ATF2: variants seen among roughly 807,000 people sequenced by gnomAD.
The protein encoded by ATF2 is activating transcription factor 2.
ATF2 carries 24 observed loss-of-function variants against 60.6 expected under a neutral mutation model. The observed-to-expected ratio is 0.40, with a 90% CI of 0.29 to 0.56. The LOEUF is 0.56. Among genes scored for constraint, ATF2 ranks in the 20% least tolerant of loss-of-function variants. The probability of loss-of-function intolerance (pLI) is 0.54; values close to 1 mark genes in which losing one functional copy is unlikely to be tolerated. For synonymous variants in ATF2, 206 were observed against 215.4 expected (o/e 0.96, Z 0.38); for missense variants, 433 against 607.7 (o/e 0.71, Z 3.02).
At chr2:175,142,499 C>T (rs1698614265) in intron 2 of ATF2, among the ~76,000 whole-genome samples, 1 of 152,128 alleles carries the variant, frequency 6.6e-6, no homozygotes, top group African/African-American at 2.4e-5. Context: ...GTTCCACATA[C>T]AAACATGTAT....
rs1699404255 is a variant in ATF2 at position 175,152,890 on chromosome 2, T to C, written c.-142-1732A>G. On this transcript the variant is annotated intron_variant, in intron 1 of 13. Transcript: ENST00000264110. ...CTGTGGGATAATGTAAAGGACCACA[T>C]CTTCTTGATAGAGATAAATTTCTGC... Among the ~76,000 whole-genome samples, 3 of 152,338 alleles carry C rather than the reference T, an allele frequency of 2.0e-5. No homozygotes were observed. The South Asian group carries it at 6.2e-4, about 32-fold the overall frequency.
At chr2:175,163,120 C>T (rs1023394882) in intron 1 of ATF2, among the ~76,000 whole-genome samples, 5 of 150,618 alleles carry the variant, frequency 3.3e-5, no homozygotes, top group East Asian at 1.9e-4. Flanking sequence ...GGCAACAGAG[C>T]GAGACTCTGT....
At chr2:175,143,200 T>G (rs1385962480) in intron 2 of ATF2, among the ~76,000 whole-genome samples, 1 of 152,160 alleles carries the variant, frequency 6.6e-6, no homozygotes, top group African/African-American at 2.4e-5. Context: ...TAACTACTGT[T>G]AACATTTCAG....
chr2:175,082,160 G>C (rs916295968), intron 12 of ATF2, among the ~76,000 whole-genome samples: 2 of 152,152 alleles, frequency 1.3e-5, no homozygotes, highest in Non-Finnish European at 2.9e-5. Context: ...CTAAAGGCAA[G>C]TCTATTGGGT....
chr2:175,159,200 T>C lies in ATF2; in HGVS notation c.-142-8042A>G, dbSNP rs185337971. On this transcript the variant is annotated intron_variant, in intron 1 of 13. Coordinates refer to ENST00000264110, the MANE Select transcript of ATF2 (RefSeq NM_001880.4). ...CGGGGCGTGGTGGCGGAGACTATAG[T>C]TCCAGCTGCTCAAAAGGCTGAGGCA... is the stretch of plus-strand genomic sequence containing the variant. Among the ~76,000 whole-genome samples, 137 of 152,114 alleles carry C rather than the reference T, an allele frequency of 9.0e-4. 1 individual carries two copies. The highest frequency in any genetic ancestry group is 6.8e-3 in the Middle Eastern group (2 of 294).
intron 10 of ATF2, among the ~76,000 whole-genome samples, chr2:175,097,899 G>C (rs1695045260): frequency 6.6e-6 from 1 of 152,098 alleles, no homozygotes; most frequent in Non-Finnish European, 1.5e-5. Flanking sequence ...GGTTTTCCCT[G>C]TCCCCAGTAA....
At chr2:175,095,339 G>A (rs1236560393) in intron 11 of ATF2, among the ~76,000 whole-genome samples, 2 of 152,064 alleles carry the variant, frequency 1.3e-5, no homozygotes, top group South Asian at 2.1e-4. Flanking sequence ...TGATCCACCC[G>A]CCTCAGGCTC....
At chr2:175,151,417 T>C (rs1699304302) in intron 1 of ATF2, among the ~76,000 whole-genome samples, 1 of 152,056 alleles carries the variant, frequency 6.6e-6, no homozygotes, top group African/African-American at 2.4e-5. Context: ...TTAGAGGTAT[T>C]AACAATTTCA....
chr2:175,139,990 A>T (rs1286952370), intron 2 of ATF2, among the ~76,000 whole-genome samples: 1 of 152,248 alleles, frequency 6.6e-6, no homozygotes, highest in South Asian at 2.1e-4. Context: ...TGCCATACCA[A>T]TGTGTGTAAA....
At chr2:175,085,559 C>T (rs1055236462) in intron 12 of ATF2, among the ~76,000 whole-genome samples, 1 of 42,896 alleles carries the variant, frequency 2.3e-5, no homozygotes, top group Non-Finnish European at 8.8e-5. Context: ...AACATACACA[C>T]ACACACACAC....
At chr2:175,078,301 GTGGT>G (rs112404506) in intron 13 of ATF2, among the ~76,000 whole-genome samples, 6,235 of 152,154 alleles carry the variant, frequency 0.041, 415 homozygotes, top group African/African-American at 0.14. Flanking sequence ...AAAAGTATTT[GTGGT>G]TGATTAGTCC....
chr2:175,107,513 C>G (rs918633138), intron 10 of ATF2, among the ~76,000 whole-genome samples: 3 of 150,126 alleles, frequency 2.0e-5, no homozygotes, highest in African/African-American at 5.0e-5. Flanking sequence ...CATAGAAGTA[C>G]GTTTTGTGGC....
At chr2:175,141,051 ATGTATATATATATGTGTGTG>A (rs1698501942) in intron 2 of ATF2, among the ~76,000 whole-genome samples, 1 of 123,690 alleles carries the variant, frequency 8.1e-6, no homozygotes, top group African/African-American at 3.0e-5. Flanking sequence ...ATATATATAT[ATGTATATATATATGTGTGTG>A]TATATATATG....
chr2:175,101,891 A>C (rs910778467), intron 10 of ATF2, among the ~76,000 whole-genome samples: 2 of 152,192 alleles, frequency 1.3e-5, no homozygotes, highest in African/African-American at 4.8e-5. Context: ...ACACTGTTCT[A>C]AACTGTCCAT....
chr2:175,115,154 C>T (rs1696464933), intron 7 of ATF2, among the ~76,000 whole-genome samples: 1 of 149,946 alleles, frequency 6.7e-6, no homozygotes, highest in Non-Finnish European at 1.5e-5. Flanking sequence ...GGCTATGATA[C>T]CAAGAGAATT....
intron 1 of ATF2, chr2:175,167,786 G>A (rs1700470159): frequency 4.4e-6 from 2 of 453,382 alleles, no homozygotes; most frequent in African/African-American, 2.0e-5. Context: ...GAAAGCGCGC[G>A]AGAGGGAGGG....
intron 5 of ATF2, among the ~76,000 whole-genome samples, chr2:175,119,781 T>C (rs534347598): frequency 1.3e-5 from 2 of 151,596 alleles, no homozygotes; most frequent in South Asian, 2.1e-4. Context: ...CCCAAAGGGT[T>C]TGTCTATCTA....
intron 10 of ATF2, among the ~76,000 whole-genome samples, chr2:175,106,517 G>A (rs1027249822): frequency 6.7e-6 from 1 of 148,728 alleles, no homozygotes; most frequent in Non-Finnish European, 1.5e-5. Context: ...CAAAGAGAAA[G>A]ACTGTCCAAA....
intron 10 of ATF2, among the ~76,000 whole-genome samples, chr2:175,104,186 A>G (rs997794544): frequency 2.6e-5 from 4 of 152,178 alleles, no homozygotes; most frequent in African/African-American, 9.7e-5. Context: ...CTATGTTAGC[A>G]TACAAAGTAA....
Sources: gnomAD v4.1 joint callset for allele counts (sites outside exome capture counted in the v4.1 genomes callset) on GRCh38, gnomAD v4.1.1 for gene constraint, MANE v1.5 for transcripts, NCBI Gene and HGNC (gene_info 2026-07-23, HGNC 2026-07-21) for gene names.